PDE7B: variants seen among roughly 807,000 people sequenced by gnomAD.
The protein encoded by PDE7B is 3',5'-cyclic-AMP phosphodiesterase 7B.
Under a neutral mutation model 56.2 loss-of-function variants are expected in PDE7B, and 29 were observed. The ratio of observed to expected loss-of-function variants is 0.52; its 90% confidence interval spans 0.38 to 0.70. PDE7B has a LOEUF of 0.70. Among genes scored for constraint, PDE7B ranks in the 30% least tolerant of loss-of-function variants. The pLI is 0.00. For missense variants in PDE7B, 490 were observed against 565.0 expected (o/e 0.87, Z 1.35); for synonymous variants, 197 against 196.9 (o/e 1.00, Z 0.00).
At chr6:136,038,309 T>C in intron 2 of PDE7B, 1 of 1,294,062 alleles carries the variant, frequency 7.7e-7, no homozygotes, top group Non-Finnish European at 1.0e-6. Flanking sequence ...GCTAGAGCGA[T>C]ATTTCCACCC....
chr6:135,915,714 C>T (rs1773910589), intron 1 of PDE7B, among the ~76,000 whole-genome samples: 1 of 152,178 alleles, frequency 6.6e-6, no homozygotes, highest in Admixed American at 6.5e-5. Flanking sequence ...TCAATTTCCT[C>T]CATCACAACC....
At chr6:135,961,837 T>C (rs944133584) in intron 2 of PDE7B, among the ~76,000 whole-genome samples, 2 of 152,118 alleles carry the variant, frequency 1.3e-5, no homozygotes, top group Non-Finnish European at 2.9e-5. Context: ...AGTTATAATA[T>C]GAAAAGTTAT....
chr6:135,956,605 T>G (rs558840053), intron 2 of PDE7B, among the ~76,000 whole-genome samples: 67 of 151,946 alleles, frequency 4.4e-4, no homozygotes, highest in African/African-American at 1.5e-3. Context: ...ATAGCAAGAC[T>G]CCATCTCTAC....
Position 136,055,216 on chromosome 6 carries a change from G to A in PDE7B, c.83-53515G>A, listed in dbSNP as rs374125368. On this transcript the variant is annotated intron_variant, in intron 2 of 12. Coordinates refer to ENST00000308191, the MANE Select transcript of PDE7B (RefSeq NM_018945.4). ...TCTTTCCATTTTAAAGGTTATAATG[G>A]TAGATATGCCCATGATGGAATTAGC... Among the ~76,000 whole-genome samples, 84 of 152,324 alleles carry A rather than the reference G, an allele frequency of 5.5e-4. No individual in the cohort carries two copies. The South Asian group carries it at 0.017, about 30-fold the overall frequency.
intron 8 of PDE7B, chr6:136,166,504 TAC>T (rs1292626176): frequency 6.4e-6 from 1 of 156,320 alleles, no homozygotes; most frequent in African/African-American, 2.4e-5. Flanking sequence ...TTAGGAAATT[TAC>T]AGTCATGGCA....
At chr6:136,030,248 T>A (rs4617009) in intron 2 of PDE7B, among the ~76,000 whole-genome samples, 54,921 of 152,118 alleles carry the variant, frequency 0.36, 10,207 homozygotes, top group East Asian at 0.57. Flanking sequence ...TAACTGTACA[T>A]ATTTTTAATC....
At chr6:136,018,785 T>G (rs1776020942) in intron 2 of PDE7B, among the ~76,000 whole-genome samples, 1 of 152,004 alleles carries the variant, frequency 6.6e-6, no homozygotes, top group Non-Finnish European at 1.5e-5. Flanking sequence ...TATATACATA[T>G]CTATACATAT....
chr6:135,990,948 AG>A (rs553015039), intron 2 of PDE7B, among the ~76,000 whole-genome samples: 8 of 152,322 alleles, frequency 5.3e-5, no homozygotes, highest in East Asian at 3.9e-4. Flanking sequence ...TATGCTAAAT[AG>A]GGGGTGGATT....
At chr6:136,134,636 TC>T (rs1466059065) in intron 3 of PDE7B, among the ~76,000 whole-genome samples, 1 of 149,500 alleles carries the variant, frequency 6.7e-6, no homozygotes, top group African/African-American at 2.5e-5. Context: ...AAGCCTTTTT[TC>T]CCCTCCTTAC....
chr6:135,977,220 T>G (rs1158829638), intron 2 of PDE7B, among the ~76,000 whole-genome samples: 1 of 152,074 alleles, frequency 6.6e-6, no homozygotes, highest in Non-Finnish European at 1.5e-5. Context: ...GGGCAGGGGC[T>G]TCTGAGAGGC....
At chr6:136,130,985 C>T (rs953878175) in intron 3 of PDE7B, among the ~76,000 whole-genome samples, 4 of 152,150 alleles carry the variant, frequency 2.6e-5, no homozygotes, top group Non-Finnish European at 1.5e-5. Context: ...GTCCCTCCCA[C>T]AACATGTGGG....
chr6:136,109,659 C>T, intron 3 of PDE7B, among the ~76,000 whole-genome samples: 1 of 152,166 alleles, frequency 6.6e-6, no homozygotes, highest in South Asian at 2.1e-4. Flanking sequence ...CCTTCCCCTC[C>T]CTAAACTGCT....
chr6:136,067,047 G>T (rs970804075), intron 2 of PDE7B, among the ~76,000 whole-genome samples: 2 of 151,944 alleles, frequency 1.3e-5, no homozygotes, highest in Admixed American at 1.3e-4. Context: ...TAGAGATAGG[G>T]TCTTGCTATG....
At chr6:136,189,883 TC>T (rs1779194916) in intron 12 of PDE7B, among the ~76,000 whole-genome samples, 1 of 152,218 alleles carries the variant, frequency 6.6e-6, no homozygotes, top group African/African-American at 2.4e-5. Context: ...CCTCTTGGTG[TC>T]TATTCAGACT....
chr6:135,945,064 T>G (rs1274329545), intron 1 of PDE7B, among the ~76,000 whole-genome samples: 1 of 115,250 alleles, frequency 8.7e-6, no homozygotes, highest in Admixed American at 1.1e-4. Context: ...TATTAACACT[T>G]TCACTTTAAT....
chr6:136,014,936 A>T (rs1397118604), intron 2 of PDE7B, among the ~76,000 whole-genome samples: 2 of 152,170 alleles, frequency 1.3e-5, no homozygotes, highest in Non-Finnish European at 2.9e-5. Context: ...CTTTGCCTGA[A>T]AGCTTAAATA....
chr6:136,144,493 G>GA (rs1412437587), intron 3 of PDE7B, among the ~76,000 whole-genome samples: 1 of 152,130 alleles, frequency 6.6e-6, no homozygotes, highest in African/African-American at 2.4e-5. Context: ...CAATCACTGT[G>GA]ATGTCAACAT....
chr6:136,121,953 G>C (rs1357041568), intron 3 of PDE7B, among the ~76,000 whole-genome samples: 1 of 152,100 alleles, frequency 6.6e-6, no homozygotes, highest in East Asian at 1.9e-4. Context: ...AAATGTTAAG[G>C]GTTGGTTAGA....
intron 2 of PDE7B, among the ~76,000 whole-genome samples, chr6:136,022,443 T>C (rs1188764589): frequency 6.6e-6 from 1 of 152,162 alleles, no homozygotes; most frequent in Non-Finnish European, 1.5e-5. Context: ...GAGAATAAAT[T>C]CTTGTGCTCA....
Sources: allele counts gnomAD v4.1 joint callset (sites outside exome capture counted in the v4.1 genomes callset), GRCh38; gene constraint gnomAD v4.1.1; transcripts MANE v1.5; gene names NCBI Gene and HGNC (gene_info 2026-07-23, HGNC 2026-07-21).